Variants in EYS observed in about 807,000 individuals in gnomAD.
EYS encodes protein eyes shut homolog.
EYS carries 250 observed loss-of-function variants against 282.1 expected under a neutral mutation model. The ratio of observed to expected loss-of-function variants is 0.89; its 90% CI spans 0.80 to 0.98. The LOEUF is 0.98. EYS is among the 50% of genes least tolerant of loss of function. The pLI, the probability that EYS is intolerant of heterozygous loss-of-function variation, is 0.00. For missense variants in EYS, 4,016 were observed against 3,709.0 expected (o/e 1.08, Z -2.15); for synonymous variants, 1,355 against 1,282.9 (o/e 1.06, Z -1.20).
At chr6:65,410,323 C>T (rs1582256428) in intron 5 of EYS, among the ~76,000 whole-genome samples, 2 of 151,970 alleles carry the variant, frequency 1.3e-5, no homozygotes, top group African/African-American at 4.8e-5. Flanking sequence ...GAAACATACC[C>T]ATGTGGTATA....
chr6:64,006,136 C>T (rs1172100225), intron 33 of EYS, among the ~76,000 whole-genome samples: 2 of 151,930 alleles, frequency 1.3e-5, no homozygotes, highest in East Asian at 3.9e-4. Flanking sequence ...TGGGTCATCT[C>T]CAATTCCTTT....
chr6:64,059,942 C>T (rs3003683), intron 33 of EYS, among the ~76,000 whole-genome samples: 3,093 of 152,084 alleles, frequency 0.02, 89 homozygotes, highest in African/African-American at 0.061. Context: ...CTAAGAAATA[C>T]CAGATGGAAG....
intron 26 of EYS, among the ~76,000 whole-genome samples, chr6:64,486,015 T>C (rs1339103362): frequency 6.6e-6 from 1 of 151,478 alleles, no homozygotes; most frequent in African/African-American, 2.4e-5. Flanking sequence ...AAAGAAGTAA[T>C]AGCTATTTAA....
chr6:65,505,726 C>A (rs1766630444), intron 2 of EYS, among the ~76,000 whole-genome samples: 1 of 151,922 alleles, frequency 6.6e-6, no homozygotes, highest in African/African-American at 2.4e-5. Flanking sequence ...TTACTGAATC[C>A]TACTTTTATT....
intron 5 of EYS, among the ~76,000 whole-genome samples, chr6:65,425,844 G>T (rs146989713): frequency 6.6e-6 from 1 of 152,004 alleles, no homozygotes; most frequent in African/African-American, 2.4e-5. Flanking sequence ...TTATGATGAC[G>T]AATTTTTTCT....
chr6:64,935,986 CA>C (rs922055887), intron 15 of EYS, among the ~76,000 whole-genome samples: 6 of 151,026 alleles, frequency 4.0e-5, no homozygotes, highest in Admixed American at 1.3e-4. Flanking sequence ...AAAGATATGA[CA>C]AAAAAAGAAA....
intron 19 of EYS, among the ~76,000 whole-genome samples, chr6:64,831,794 T>A (rs2150028553): frequency 6.6e-6 from 1 of 152,034 alleles, no homozygotes; most frequent in Non-Finnish European, 1.5e-5. Context: ...TTGTAAAAAA[T>A]TTTAAAGAAG....
intron 31 of EYS, among the ~76,000 whole-genome samples, chr6:64,196,111 G>T (rs1170876810): frequency 6.6e-6 from 1 of 152,184 alleles, no homozygotes; most frequent in African/African-American, 2.4e-5. Flanking sequence ...CTCAAAAGAA[G>T]ACATTTATGC....
chr6:64,820,377 T>A (rs1764864811), intron 21 of EYS, among the ~76,000 whole-genome samples: 2 of 152,110 alleles, frequency 1.3e-5, no homozygotes, highest in South Asian at 2.1e-4. Context: ...TTACTGATAT[T>A]TTAATACAAA....
At chr6:64,782,375 A>G (rs1334597796) in intron 22 of EYS, among the ~76,000 whole-genome samples, 1 of 152,224 alleles carries the variant, frequency 6.6e-6, no homozygotes, top group Non-Finnish European at 1.5e-5. Flanking sequence ...TACCCTATTT[A>G]GGGTCATGAA....
At chr6:64,958,346 C>A (rs961911691) in intron 14 of EYS, among the ~76,000 whole-genome samples, 1 of 152,100 alleles carries the variant, frequency 6.6e-6, no homozygotes, top group African/African-American at 2.4e-5. Context: ...CGCGCCACTG[C>A]ACTCCAGCCT....
intron 22 of EYS, among the ~76,000 whole-genome samples, chr6:64,767,283 T>A (rs973267990): frequency 1.3e-5 from 2 of 152,120 alleles, no homozygotes; most frequent in African/African-American, 2.4e-5. Context: ...TGGAATATTT[T>A]AAATCCTCCT....
intron 26 of EYS, among the ~76,000 whole-genome samples, chr6:64,445,186 G>A (rs1469089540): frequency 4.6e-5 from 7 of 152,082 alleles, no homozygotes; most frequent in Non-Finnish European, 1.0e-4. Flanking sequence ...TATTTGTGGT[G>A]TTTTCTATTT....
chr6:65,700,696 C>G (rs1295366541), intron 1 of EYS, among the ~76,000 whole-genome samples: 1 of 152,134 alleles, frequency 6.6e-6, no homozygotes, highest in Non-Finnish European at 1.5e-5. Context: ...TTACTGTTAA[C>G]ATATTACCAG....
At chr6:65,037,874 C>T (rs75171926) in intron 13 of EYS, among the ~76,000 whole-genome samples, 4,146 of 151,592 alleles carry the variant, frequency 0.027, 141 homozygotes, top group East Asian at 0.16. Context: ...TGTTTCTATG[C>T]CTGTGTATTA....
At chr6:64,089,145 T>C (rs1442531346) in intron 31 of EYS, among the ~76,000 whole-genome samples, 1 of 151,934 alleles carries the variant, frequency 6.6e-6, no homozygotes. Flanking sequence ...AGAAGGTGAC[T>C]GAAATGATGC....
chr6:64,624,966 C>T (rs1472172584), intron 23 of EYS, among the ~76,000 whole-genome samples: 1 of 152,146 alleles, frequency 6.6e-6, no homozygotes, highest in Non-Finnish European at 1.5e-5. Flanking sequence ...GCCTCCATCT[C>T]CTGGGCTCAA....
intron 29 of EYS, among the ~76,000 whole-genome samples, chr6:64,318,114 A>G (rs952527445): frequency 7.9e-5 from 12 of 152,036 alleles, no homozygotes; most frequent in Admixed American, 7.9e-4. Context: ...GCACCATGGC[A>G]TGTGTATACC....
At chr6:64,693,091 G>T (rs1770453738) in intron 22 of EYS, among the ~76,000 whole-genome samples, 2 of 143,534 alleles carry the variant, frequency 1.4e-5, no homozygotes, top group Admixed American at 1.5e-4. Context: ...AAAAGCACAA[G>T]TATGAATAAA....
Sources: allele counts gnomAD v4.1 joint callset (sites outside exome capture counted in the v4.1 genomes callset), GRCh38; gene constraint gnomAD v4.1.1; transcripts MANE v1.5; gene names NCBI Gene and HGNC (gene_info 2026-07-23, HGNC 2026-07-21).